STS: variants seen among roughly 807,000 people sequenced by gnomAD.
The protein encoded by STS is steroid sulfatase, also known as steryl-sulfatase.
Under a neutral mutation model 26.8 loss-of-function variants are expected in STS, and 7 were observed. The ratio of observed to expected loss-of-function variants is 0.26; its 90% confidence interval spans 0.15 to 0.49. STS has a LOEUF of 0.49. STS is among the 20% of genes least tolerant of loss of function. The pLI, the probability that STS is intolerant of heterozygous loss-of-function variation, is 0.98. For synonymous variants in STS, 199 were observed against 189.4 expected (o/e 1.05, Z -0.42); for missense variants, 434 against 465.6 (o/e 0.93, Z 0.63).
At chrX:7,275,929 C>CTTTT (rs748041421) in intron 6 of STS, 22 bp from the exon 7 acceptor site, 61 of 1,075,309 alleles carry the variant, frequency 5.7e-5, no homozygotes, top group Admixed American at 9.0e-5. Flanking sequence ...TTTTTCCTCC[C>CTTTT]TTTTTTTTTT....
At chrX:7,168,720 C>T (rs191561760) in intron 1 of STS, among the ~76,000 whole-genome samples, 32 of 111,421 alleles carry the variant, frequency 2.9e-4, no homozygotes, top group Admixed American at 2.5e-3. Flanking sequence ...AATTCTTCCT[C>T]GAGCACCTTC....
intron 2 of STS, among the ~76,000 whole-genome samples, chrX:7,206,848 G>C (rs1339598341): frequency 1.8e-5 from 2 of 112,206 alleles, no homozygotes; most frequent in African/African-American, 6.5e-5. Flanking sequence ...CTTAGTTTTG[G>C]TTTGGCAGAC....
At chrX:7,194,275 G>C (rs1933931263) in intron 2 of STS, among the ~76,000 whole-genome samples, 1 of 110,816 alleles carries the variant, frequency 9.0e-6, no homozygotes, top group Admixed American at 9.7e-5. Flanking sequence ...TCCTGCATGG[G>C]GGTCACTGGT....
chrX:7,306,509 T>C (rs968775096), intron 8 of STS, among the ~76,000 whole-genome samples: 5 of 112,068 alleles, frequency 4.5e-5, no homozygotes, highest in Non-Finnish European at 9.4e-5. Context: ...TGTCTTGCAT[T>C]GGGCCAGACA....
At position 7,246,680 on chromosome X, in the gene STS, T is replaced by C. The variant is rs73192685; in HGVS notation, c.-4-6516T>C. On this transcript the variant is annotated intron_variant, in intron 2 of 10. Coordinates refer to ENST00000674429, the MANE Select transcript of STS (RefSeq NM_001320752.2). ...ACAGTCTGCAAGGAAGGTAGCAGGG[T>C]ATTGCATGGGATTTTATGTTAATGA... Among the ~76,000 whole-genome samples the C allele has an allele frequency of 7.0e-3, 785 of 111,736 alleles. 2 individuals carry two copies. Among genetic ancestry groups the C allele is most frequent in the Non-Finnish European group, 0.011 (575 of 53,142 alleles).
rs569920509 is a variant in STS, at chrX:7,334,442, TC to T, written c.1363+337del. On this transcript the variant is annotated intron_variant, in intron 10 of 10. Coordinates refer to ENST00000674429, the MANE Select transcript of STS (RefSeq NM_001320752.2). Reference sequence around the variant, plus strand: ...GCATGCACAGCTGCCCAGCTTCACTTCCTAGCACTCCTCTCACACTGAAGAA... The same window carrying T: ...GCATGCACAGCTGCCCAGCTTCACTTCTAGCACTCCTCTCACACTGAAGAA... 5.4e-5 allele frequency among the ~76,000 whole-genome samples: 6 copies of T among 111,506 alleles called. No individual in the cohort carries two copies. The South Asian group carries it at 2.3e-3, about 42-fold the overall frequency.
intron 8 of STS, among the ~76,000 whole-genome samples, chrX:7,324,020 G>T (rs1269947188): frequency 8.9e-6 from 1 of 111,912 alleles, no homozygotes; most frequent in Non-Finnish European, 1.9e-5. Context: ...GAGCCAAGTT[G>T]ACACAGCCCC....
intron 2 of STS, among the ~76,000 whole-genome samples, chrX:7,216,055 T>C (rs936181641): frequency 8.9e-6 from 1 of 111,942 alleles, no homozygotes; most frequent in African/African-American, 3.2e-5. Context: ...CTCATGTGCA[T>C]AGCAAACATA....
chrX:7,234,574 G>A (rs1808940541), intron 2 of STS, among the ~76,000 whole-genome samples: 1 of 112,239 alleles, frequency 8.9e-6, no homozygotes, highest in African/African-American at 3.2e-5. Context: ...ACTCCAGTCA[G>A]AGGCAGCTCT....
At chrX:7,271,259 G>A (rs979722640) in intron 6 of STS, among the ~76,000 whole-genome samples, 1 of 111,334 alleles carries the variant, frequency 9.0e-6, no homozygotes, top group Non-Finnish European at 1.9e-5. Context: ...CAGTGAGATT[G>A]TTCTCATACA....
rs181765673 is a variant in STS at position 7,352,971 on chromosome X, T to G, written c.*2710T>G. 2.6e-3 allele frequency: 295 copies of G among 111,579 alleles called. 3 individuals carry two copies. Among genetic ancestry groups the G allele is most frequent in the African/African-American group, 9.1e-3 (280 of 30,799 alleles). The allele number at this position is 111,579 out of a possible 1,213,427, so 9.2% of individuals were successfully genotyped here. ...CACACACACACAAAAAAACAAGTAT[T>G]TGGCTTGTCACAGGAATCTGATTGC... On this transcript the variant is annotated 3_prime_UTR_variant, in exon 11 of 11. Coordinates refer to ENST00000674429, the MANE Select transcript of STS (RefSeq NM_001320752.2).
At chrX:7,326,075 G>A (rs1423823339) in intron 9 of STS, among the ~76,000 whole-genome samples, 2 of 111,416 alleles carry the variant, frequency 1.8e-5, no homozygotes, top group Admixed American at 1.9e-4. Flanking sequence ...TTGGGGAAGA[G>A]GGATTCTAGT....
At chrX:7,226,953 G>A (rs756710411) in intron 2 of STS, among the ~76,000 whole-genome samples, 2 of 111,638 alleles carry the variant, frequency 1.8e-5, no homozygotes, top group Non-Finnish European at 3.8e-5. Flanking sequence ...GATATTTTCC[G>A]TTTTTCGTTG....
chrX:7,162,923 GGC>G (rs1933276050), intron 1 of STS, among the ~76,000 whole-genome samples: 2 of 105,188 alleles, frequency 1.9e-5, no homozygotes, highest in Admixed American at 2.1e-4. Context: ...TGGGCCTGGT[GGC>G]GCGCGCCTGT....
chrX:7,250,031 A>C (rs1005848216), intron 2 of STS, among the ~76,000 whole-genome samples: 5 of 110,875 alleles, frequency 4.5e-5, no homozygotes, highest in South Asian at 3.9e-4. Context: ...GGGCTCAAGC[A>C]ATTCTCCTGC....
At chrX:7,295,416 T>C (rs1317175337) in intron 7 of STS, among the ~76,000 whole-genome samples, 1 of 111,175 alleles carries the variant, frequency 9.0e-6, no homozygotes, top group Non-Finnish European at 1.9e-5. Flanking sequence ...AAATGGTAAC[T>C]GCTATCATTA....
At chrX:7,335,340 G>A (rs769294905) in intron 10 of STS, among the ~76,000 whole-genome samples, 1 of 112,310 alleles carries the variant, frequency 8.9e-6, no homozygotes, top group African/African-American at 3.2e-5. Flanking sequence ...GTTTTGATTT[G>A]CATTTCTCTG....
intron 7 of STS, among the ~76,000 whole-genome samples, chrX:7,277,854 A>G (rs1005421725): frequency 8.9e-6 from 1 of 112,334 alleles, no homozygotes; most frequent in Admixed American, 9.4e-5. Context: ...TATTTTTCGC[A>G]TCTTAGTGTA....
intron 6 of STS, among the ~76,000 whole-genome samples, chrX:7,264,175 T>C (rs979259945): frequency 2.3e-4 from 26 of 111,313 alleles, no homozygotes; most frequent in African/African-American, 7.8e-4. Flanking sequence ...TGAGTAACCA[T>C]AGCTCCATCA....
Sources: allele counts gnomAD v4.1 joint callset (sites outside exome capture counted in the v4.1 genomes callset), GRCh38; gene constraint gnomAD v4.1.1; transcripts MANE v1.5; gene names NCBI Gene and HGNC (gene_info 2026-07-23, HGNC 2026-07-21).